Variants in CHD9 observed in about 807,000 individuals in gnomAD.
The protein encoded by CHD9 is ATP-dependent chromatin remodeler CHD9.
CHD9 carries 77 observed loss-of-function variants against 316.1 expected under a neutral mutation model. That is an observed-to-expected ratio of 0.24 (90% CI 0.20 to 0.29). CHD9 has a LOEUF of 0.29. Among genes scored for constraint, CHD9 ranks in the 10% least tolerant of loss-of-function variants. The probability of loss-of-function intolerance (pLI) is 1.00; values close to 1 mark genes in which losing one functional copy is unlikely to be tolerated. For missense variants in CHD9, 2,763 were observed against 3,438.1 expected, an observed-to-expected ratio of 0.80 and a Z score of 4.91; for synonymous variants, 1,129 against 1,158.3, an observed-to-expected ratio of 0.97 and a Z score of 0.51.
intron 2 of CHD9, among the ~76,000 whole-genome samples, chr16:53,159,612 T>C (rs1385773958): frequency 6.6e-6 from 1 of 152,158 alleles, no homozygotes; most frequent in Non-Finnish European, 1.5e-5. Context: ...TAGTTCTATT[T>C]CTTTTTTCCT....
intron 37 of CHD9, among the ~76,000 whole-genome samples, chr16:53,319,283 A>G (rs1325601789): frequency 1.3e-5 from 2 of 152,218 alleles, no homozygotes. Context: ...TACCTTACAT[A>G]GGTCTGGTTC....
chr16:53,317,386 A>T (rs1249234650), intron 36 of CHD9, among the ~76,000 whole-genome samples: 3 of 152,174 alleles, frequency 2.0e-5, no homozygotes, highest in Non-Finnish European at 2.9e-5. Flanking sequence ...ATTGGCTGGA[A>T]ATACCTGCAA....
At chr16:53,072,193 C>A (rs2034125051) in intron 1 of CHD9, among the ~76,000 whole-genome samples, 1 of 152,062 alleles carries the variant, frequency 6.6e-6, no homozygotes, top group Non-Finnish European at 1.5e-5. Flanking sequence ...TGTCACAGGG[C>A]CAACTTCCCG....
At position 53,146,419 on chromosome 16, in the gene CHD9, G is replaced by GTGTATATATATATATATA. The variant is rs1555492145; in HGVS notation, c.-164-9506_-164-9505insGTATATATATATATATAT. ...AAAAAAAAATTGTGTGTGTGTGTATGTATATATATATATATATAATTAAAA... is the reference window on the plus strand; with the variant it reads ...AAAAAAAAATTGTGTGTGTGTGTATGTGTATATATATATATATATATATATATATATATATAATTAAAA... On this transcript the variant is annotated intron_variant, in intron 1 of 38. Transcript: ENST00000447540. Among the ~76,000 whole-genome samples the GTGTATATATATATATATA allele has an allele frequency of 1.5e-3, 118 of 76,698 alleles. 10 individuals are homozygous for GTGTATATATATATATATA. Among genetic ancestry groups the GTGTATATATATATATATA allele is most frequent in the African/African-American group, 6.3e-3 (106 of 16,898 alleles). 50.3% of individuals were successfully genotyped at this position (76,698 alleles called of 152,430 possible). A position where few individuals can be genotyped will look rare whatever the true frequency, so the allele number is the denominator to read the frequency against.
chr16:53,235,051 A>G, intron 10 of CHD9, 134 bp from the exon 11 acceptor site: 2 of 564,896 alleles, frequency 3.5e-6, no homozygotes, highest in Non-Finnish European at 5.8e-6. Flanking sequence ...TTGACCTTTA[A>G]ATGTTAGGTA....
intron 2 of CHD9, among the ~76,000 whole-genome samples, chr16:53,170,064 T>TTTTTTTTTTG (rs1567414743): frequency 7.2e-6 from 1 of 138,840 alleles, no homozygotes; most frequent in African/African-American, 2.8e-5. Context: ...TTTTTGTTTG[T>TTTTTTTTTTG]TTTTTTTTGG....
rs1417594463 is a variant in CHD9, at chr16:53,268,087, A to G, written c.4678A>G (p.Thr1560Ala). 7 of 1,612,252 alleles carry G rather than the reference A, an allele frequency of 4.3e-6. No individual in the cohort carries two copies. The highest frequency in any genetic ancestry group is 2.2e-5 in the South Asian group (2 of 90,944). Residue 1560 changes from threonine (T) to alanine (A), a missense_variant, in exon 22 of 39, where the codon ACT becomes GCT. Around this residue, in one of 15 missense-constraint regions of CHD9, gnomAD observed 99 missense variants for 131.6 expected, o/e 0.75. Coordinates refer to ENST00000447540, the MANE Select transcript of CHD9 (RefSeq NM_001308319.2). ...KGFIWDLITPTEDGQTRELQN... is the reference protein window; with the variant it reads ...KGFIWDLITPAEDGQTRELQN... The stretch of plus-strand genomic sequence containing the variant: ...TTTCATATGGGATCTCATTACTCCA[A>G]CTGAAGATGGACAGACACGAGAGCT...
At chr16:53,083,822 C>T (rs1345821772) in intron 1 of CHD9, among the ~76,000 whole-genome samples, 1 of 152,018 alleles carries the variant, frequency 6.6e-6, no homozygotes, top group Non-Finnish European at 1.5e-5. Context: ...ATGATCATAG[C>T]TCACTGTAGC....
At chr16:53,066,937 CTAT>C (rs1224686698) in intron 1 of CHD9, among the ~76,000 whole-genome samples, 2 of 152,020 alleles carry the variant, frequency 1.3e-5, no homozygotes, top group African/African-American at 4.8e-5. Context: ...CCAATTTCCC[CTAT>C]TATTATTATT....
intron 2 of CHD9, among the ~76,000 whole-genome samples, chr16:53,178,407 C>T (rs1247479465): frequency 2.1e-5 from 3 of 143,666 alleles, no homozygotes; most frequent in African/African-American, 7.7e-5. Context: ...TTATTAAATA[C>T]TTCTTGTTTT....
intron 1 of CHD9, among the ~76,000 whole-genome samples, chr16:53,084,708 A>C (rs572213891): frequency 1.3e-5 from 2 of 152,194 alleles, no homozygotes; most frequent in South Asian, 4.1e-4. Context: ...ACGCCACTGC[A>C]CTCCAGCCTG....
chr16:53,078,345 A>G (rs1464123541), intron 1 of CHD9, among the ~76,000 whole-genome samples: 1 of 152,120 alleles, frequency 6.6e-6, no homozygotes, highest in Non-Finnish European at 1.5e-5. Context: ...GGGGTTAGTT[A>G]TCTTGGGAGT....
At chr16:53,308,963 C>T in intron 34 of CHD9, 109 bp downstream of exon 34, 1 of 799,142 alleles carries the variant, frequency 1.3e-6, no homozygotes, top group Non-Finnish European at 1.9e-6. Context: ...GTTGGAACCT[C>T]TTAAGCCTAT....
intron 4 of CHD9, among the ~76,000 whole-genome samples, chr16:53,223,258 T>TC (rs1325568223): frequency 6.6e-6 from 1 of 151,914 alleles, no homozygotes; most frequent in Non-Finnish European, 1.5e-5. Context: ...TGCCTTTTTT[T>TC]TTTTTTTTTG....
chr16:53,110,850 G>A (rs187651131), intron 1 of CHD9, among the ~76,000 whole-genome samples: 4 of 152,268 alleles, frequency 2.6e-5, no homozygotes, highest in Admixed American at 2.0e-4. Context: ...TTAAAGACAC[G>A]GTGTGGGCCA....
chr16:53,318,744 C>T (rs559046996), intron 37 of CHD9, among the ~76,000 whole-genome samples: 1 of 152,262 alleles, frequency 6.6e-6, no homozygotes, highest in South Asian at 2.1e-4. Context: ...AGAGATGCTG[C>T]TAAACCTCCT....
chr16:53,066,189 T>C (rs537116739), intron 1 of CHD9, among the ~76,000 whole-genome samples: 28 of 152,298 alleles, frequency 1.8e-4, no homozygotes, highest in African/African-American at 6.7e-4. Flanking sequence ...CTGAGCCTAG[T>C]TTTCTCTGCT....
intron 1 of CHD9, among the ~76,000 whole-genome samples, chr16:53,123,431 A>G (rs1334135282): frequency 6.6e-6 from 1 of 152,052 alleles, no homozygotes; most frequent in East Asian, 1.9e-4. Flanking sequence ...TGGACATTTC[A>G]TATAAATATA....
chr16:53,160,009 A>C (rs1481833758), intron 2 of CHD9, among the ~76,000 whole-genome samples: 1 of 152,058 alleles, frequency 6.6e-6, no homozygotes, highest in African/African-American at 2.4e-5. Flanking sequence ...TAAACCCTCC[A>C]TGTCCCCCTC....
Sources: gnomAD v4.1 joint callset for allele counts (sites outside exome capture counted in the v4.1 genomes callset) on GRCh38, gnomAD v4.1.1 for gene constraint, gnomAD v4.1.1 regional missense constraint, MANE v1.5 for transcripts, NCBI Gene and HGNC (gene_info 2026-07-23, HGNC 2026-07-21) for gene names.